EXOC6B: variants seen among roughly 807,000 people sequenced by gnomAD.
EXOC6B encodes exocyst complex component 6B.
Under a neutral mutation model 113.5 loss-of-function variants are expected in EXOC6B, and 54 were observed. That is an observed-to-expected ratio of 0.48 (90% CI 0.38 to 0.60). The LOEUF (loss-of-function observed/expected upper bound fraction) is 0.60. Among genes scored for constraint, EXOC6B ranks in the 20% least tolerant of loss-of-function variants. The probability of loss-of-function intolerance (pLI) is 0.00; values close to 1 mark genes in which losing one functional copy is unlikely to be tolerated. For missense variants in EXOC6B, 797 were observed against 977.5 expected (o/e 0.82, Z 2.46); for synonymous variants, 357 against 339.0 (o/e 1.05, Z -0.58).
intron 8 of EXOC6B, among the ~76,000 whole-genome samples, chr2:72,528,128 C>T (rs1334609982): frequency 6.6e-6 from 1 of 151,968 alleles, no homozygotes; most frequent in Non-Finnish European, 1.5e-5. Context: ...ACTCTGCCTA[C>T]CCTTAGATTC....
chr2:72,777,353 C>T (rs1683767178), intron 1 of EXOC6B, among the ~76,000 whole-genome samples: 1 of 152,058 alleles, frequency 6.6e-6, no homozygotes, highest in Non-Finnish European at 1.5e-5. Context: ...CATCAGAAAC[C>T]ATGGAGGCTA....
At chr2:72,235,128 C>A (rs1423717175) in intron 20 of EXOC6B, among the ~76,000 whole-genome samples, 1 of 152,086 alleles carries the variant, frequency 6.6e-6, no homozygotes, top group Non-Finnish European at 1.5e-5. Flanking sequence ...TTCACAATAA[C>A]AAAGACATGG....
rs539179733 is a variant in EXOC6B, at chr2:72,213,048, G to A, written c.2197-28861C>T. Among the ~76,000 whole-genome samples, 27 of 152,324 alleles carry A rather than the reference G, an allele frequency of 1.8e-4. No individual in the cohort carries two copies. The East Asian group carries it at 4.6e-3, about 26-fold the overall frequency. On this transcript the variant is annotated intron_variant, in intron 20 of 21. Transcript: ENST00000272427. Reference sequence around the variant, plus strand: ...GATGCTATAGACCTTCTGAGGCTGGGCCTTAACAGATACTACTAGCTTCTG... The same window carrying A: ...GATGCTATAGACCTTCTGAGGCTGGACCTTAACAGATACTACTAGCTTCTG...
At chr2:72,615,653 T>G (rs1671341210) in intron 6 of EXOC6B, among the ~76,000 whole-genome samples, 2 of 150,828 alleles carry the variant, frequency 1.3e-5, no homozygotes, top group Non-Finnish European at 2.9e-5. Flanking sequence ...CAATTATGTA[T>G]AGTATGTAAT....
chr2:72,269,858 G>C (rs1247631013), intron 20 of EXOC6B, among the ~76,000 whole-genome samples: 1 of 152,090 alleles, frequency 6.6e-6, no homozygotes, highest in Admixed American at 6.6e-5. Context: ...TTCAAAGAAT[G>C]ACAGAAAAAA....
At chr2:72,216,588 A>C (rs963471424) in intron 20 of EXOC6B, among the ~76,000 whole-genome samples, 1 of 152,216 alleles carries the variant, frequency 6.6e-6, no homozygotes, top group African/African-American at 2.4e-5. Context: ...TTCTTTTATA[A>C]AGACACATGC....
At chr2:72,618,017 G>A (rs1671509381) in intron 6 of EXOC6B, among the ~76,000 whole-genome samples, 1 of 152,000 alleles carries the variant, frequency 6.6e-6, no homozygotes, top group Non-Finnish European at 1.5e-5. Flanking sequence ...CTAAAAGTGG[G>A]GACTGATAAT....
intron 1 of EXOC6B, among the ~76,000 whole-genome samples, chr2:72,805,721 C>G (rs530107090): frequency 6.6e-6 from 1 of 152,176 alleles, no homozygotes; most frequent in Admixed American, 6.5e-5. Flanking sequence ...TACAGTAGGT[C>G]TCTTAAAGAT....
intron 20 of EXOC6B, among the ~76,000 whole-genome samples, chr2:72,299,330 T>C (rs572351699): frequency 2.1e-4 from 32 of 152,046 alleles, no homozygotes; most frequent in Non-Finnish European, 4.1e-4. Flanking sequence ...GTTTTTCAGC[T>C]CCATCAGTTC....
chr2:72,772,585 G>T (rs1314079149), intron 1 of EXOC6B, among the ~76,000 whole-genome samples: 1 of 152,076 alleles, frequency 6.6e-6, no homozygotes, highest in Non-Finnish European at 1.5e-5. Flanking sequence ...CTTTTACCAG[G>T]CTGATCCCCA....
intron 6 of EXOC6B, among the ~76,000 whole-genome samples, chr2:72,712,364 A>C (rs184424953): frequency 6.6e-6 from 1 of 152,222 alleles, no homozygotes; most frequent in Non-Finnish European, 1.5e-5. Context: ...TCAGAATGCC[A>C]GTATTACTAC....
intron 6 of EXOC6B, among the ~76,000 whole-genome samples, chr2:72,673,486 T>C (rs528513229): frequency 5.7e-4 from 87 of 152,310 alleles, no homozygotes; most frequent in African/African-American, 2.0e-3. Flanking sequence ...TTGGTGAAGT[T>C]ATCTGGTGAA....
At chr2:72,570,565 A>T (rs1382880006) in intron 7 of EXOC6B, among the ~76,000 whole-genome samples, 1 of 152,202 alleles carries the variant, frequency 6.6e-6, no homozygotes, top group African/African-American at 2.4e-5. Context: ...TATTTATGTG[A>T]CCCATACTCT....
chr2:72,557,918 G>A (rs991766121), intron 8 of EXOC6B, among the ~76,000 whole-genome samples: 6 of 151,938 alleles, frequency 3.9e-5, no homozygotes, highest in South Asian at 4.2e-4. Flanking sequence ...GTGTGAAATC[G>A]TAGGCAATTA....
intron 13 of EXOC6B, 26 bp downstream of exon 13, chr2:72,498,428 A>C: frequency 6.6e-7 from 1 of 1,515,888 alleles, no homozygotes; most frequent in South Asian, 1.2e-5. Flanking sequence ...GAACACACAC[A>C]CATATGACTA....
intron 20 of EXOC6B, 58 bp from the exon 21 acceptor site, chr2:72,184,245 A>T (rs1678276701): frequency 2.3e-6 from 2 of 873,040 alleles, no homozygotes; most frequent in Non-Finnish European, 3.7e-6. Flanking sequence ...ACAAACCAAG[A>T]TTCCAGAAAC....
intron 19 of EXOC6B, among the ~76,000 whole-genome samples, chr2:72,346,563 A>G (rs1259834224): frequency 6.6e-6 from 1 of 152,174 alleles, no homozygotes; most frequent in African/African-American, 2.4e-5. Context: ...TCACTTCAAG[A>G]TTTAAAAAAA....
chr2:72,449,867 T>C (rs973995508), intron 18 of EXOC6B, among the ~76,000 whole-genome samples: 1 of 152,204 alleles, frequency 6.6e-6, no homozygotes, highest in Non-Finnish European at 1.5e-5. Flanking sequence ...ACACATGGAT[T>C]GCCTTTGCAC....
intron 6 of EXOC6B, among the ~76,000 whole-genome samples, chr2:72,700,132 T>A (rs1323068067): frequency 6.6e-6 from 1 of 152,122 alleles, no homozygotes; most frequent in Non-Finnish European, 1.5e-5. Context: ...TGTTATATTG[T>A]TGTTTTTTAT....
Sources: gnomAD v4.1 joint callset for allele counts (sites outside exome capture counted in the v4.1 genomes callset) on GRCh38, gnomAD v4.1.1 for gene constraint, MANE v1.5 for transcripts, NCBI Gene and HGNC (gene_info 2026-07-23, HGNC 2026-07-21) for gene names.